The following DIPK1A variants were observed in gnomAD, a reference collection of about 807,000 sequenced individuals.
The protein encoded by DIPK1A is family with sequence similarity 69 member A.
A neutral mutation model predicts 40.8 loss-of-function variants in DIPK1A; 27 were observed. The ratio of observed to expected loss-of-function variants is 0.66; its 90% CI spans 0.49 to 0.91. DIPK1A has a LOEUF of 0.91. Ranked by LOEUF, DIPK1A falls within the 40% of genes least tolerant of loss-of-function variation. DIPK1A has a pLI of 0.00. For synonymous variants in DIPK1A, 166 were observed against 171.3 expected (o/e 0.97, Z 0.24); for missense variants, 412 against 505.7 (o/e 0.81, Z 1.78).
chr1:92,868,101 T>G (rs1421728857), intron 2 of DIPK1A, among the ~76,000 whole-genome samples: 2 of 152,192 alleles, frequency 1.3e-5, no homozygotes, highest in African/African-American at 2.4e-5. Flanking sequence ...AAATCTGTGA[T>G]GCAGGTAGGA....
chr1:92,959,116 T>C (rs1651956521), intron 1 of DIPK1A, among the ~76,000 whole-genome samples: 1 of 151,930 alleles, frequency 6.6e-6, no homozygotes, highest in Non-Finnish European at 1.5e-5. Flanking sequence ...CGAAACTCCG[T>C]GTCTACAAAA....
Position 92,833,221 on chromosome 1 carries a change from A to G in DIPK1A, c.475-187T>C, listed in dbSNP as rs1686981595. The G allele has an allele frequency of 3.2e-5, 21 of 658,338 alleles. No homozygotes were observed. The South Asian group carries it at 3.8e-4, about 12-fold the overall frequency. The allele number at this position is 658,338 out of a possible 1,614,324, so 40.8% of individuals were successfully genotyped here. A position where few individuals can be genotyped will look rare whatever the true frequency, so the allele number is the denominator to read the frequency against. ...TACTAGTCTGTGACATGGAAGGTAG[A>G]GGAAAAAGATTCTTGACCCTAGTTG... On this transcript the variant is annotated intron_variant, in intron 4 of 4. Coordinates refer to the DIPK1A transcript ENST00000615519.
chr1:92,955,494 C>A (rs946763088), intron 1 of DIPK1A, among the ~76,000 whole-genome samples: 1 of 149,180 alleles, frequency 6.7e-6, no homozygotes, highest in South Asian at 2.1e-4. Flanking sequence ...GTCAGGAGAT[C>A]GAGACCATCC....
At chr1:92,922,305 T>C (rs1412338442) in intron 1 of DIPK1A, among the ~76,000 whole-genome samples, 3 of 151,928 alleles carry the variant, frequency 2.0e-5, no homozygotes, top group African/African-American at 7.2e-5. Context: ...ATATTTCTTT[T>C]CAGTTTTTTT....
intron 2 of DIPK1A, among the ~76,000 whole-genome samples, chr1:92,861,517 G>A (rs1196922654): frequency 1.3e-5 from 2 of 151,646 alleles, no homozygotes; most frequent in East Asian, 3.9e-4. Flanking sequence ...AGTAGAGACG[G>A]GTTTTTGTCA....
At chr1:92,859,302 C>T (rs986258080) in intron 2 of DIPK1A, among the ~76,000 whole-genome samples, 1 of 152,116 alleles carries the variant, frequency 6.6e-6, no homozygotes, top group Non-Finnish European at 1.5e-5. Context: ...TCCCGTTCCC[C>T]GTATCAACGA....
At chr1:92,840,643 T>G (rs1464454410), downstream of DIPK1A, 1 of 1,602,858 alleles carries the variant, frequency 6.2e-7, no homozygotes, top group Non-Finnish European at 8.5e-7. Flanking sequence ...AGAAGAGGTA[T>G]GTCGTCTTTT....
intron 1 of DIPK1A, among the ~76,000 whole-genome samples, chr1:92,952,078 A>C (rs1254888775): frequency 2.3e-4 from 35 of 151,028 alleles, no homozygotes; most frequent in African/African-American, 5.8e-4. Flanking sequence ...AAAAAAAAAA[A>C]ACACACACAA....
intron 1 of DIPK1A, among the ~76,000 whole-genome samples, chr1:92,927,243 C>T (rs1571131739): frequency 1.3e-5 from 2 of 152,046 alleles, no homozygotes; most frequent in African/African-American, 4.8e-5. Context: ...AGTACAGTGG[C>T]GATCACAGTC....
At chr1:92,927,354 C>T (rs1650554727) in intron 1 of DIPK1A, among the ~76,000 whole-genome samples, 1 of 134,146 alleles carries the variant, frequency 7.5e-6, no homozygotes, top group Admixed American at 8.3e-5. Context: ...GCCACCATGC[C>T]AATTTTGTTG....
At chr1:92,954,572 G>A (rs748121128) in intron 1 of DIPK1A, among the ~76,000 whole-genome samples, 17 of 151,382 alleles carry the variant, frequency 1.1e-4, no homozygotes, top group Admixed American at 5.3e-4. Flanking sequence ...ACAGGGTTTC[G>A]CCACATTGGC....
intron 1 of DIPK1A, among the ~76,000 whole-genome samples, chr1:92,956,091 G>A (rs1651845193): frequency 6.6e-6 from 1 of 151,502 alleles, no homozygotes; most frequent in Non-Finnish European, 1.5e-5. Flanking sequence ...AAGGAGGGAG[G>A]CTATTCATGT....
intron 2 of DIPK1A, among the ~76,000 whole-genome samples, chr1:92,866,162 C>T (rs1050280415): frequency 6.6e-6 from 1 of 152,190 alleles, no homozygotes; most frequent in African/African-American, 2.4e-5. Context: ...AGTGCAATGG[C>T]GTGATCTCAG....
chr1:92,930,435 C>A (rs1171321749), intron 1 of DIPK1A, among the ~76,000 whole-genome samples: 1 of 152,024 alleles, frequency 6.6e-6, no homozygotes, highest in African/African-American at 2.4e-5. Flanking sequence ...TAAAAAAAAA[C>A]TGAGAAAGGG....
At chr1:92,834,594 T>C (rs1571026299) in intron 4 of DIPK1A, among the ~76,000 whole-genome samples, 3 of 152,202 alleles carry the variant, frequency 2.0e-5, no homozygotes, top group South Asian at 2.1e-4. Context: ...ATTGAAATAT[T>C]TGGGTATTCC....
intron 1 of DIPK1A, among the ~76,000 whole-genome samples, chr1:92,900,732 G>A (rs1486150473): frequency 1.3e-5 from 2 of 152,066 alleles, no homozygotes; most frequent in East Asian, 3.9e-4. Flanking sequence ...TCCCTAGAGT[G>A]TGGCCAGTGT....
rs1652087660 is a variant in DIPK1A, at chr1:92,961,410, G to A, written c.20C>T (p.Pro7Leu). ...ATAGGGTTTCCTTAGCCAGGCCCCC[G>A]GACAGAGACTCCTCGCCATGGTAAT... is the stretch of plus-strand genomic sequence containing the variant. MARSLC[P>L]GAWLRKPYYL... is the part of the protein sequence containing the mutation. Residue 7 changes from proline (P) to leucine (L), a missense_variant, in exon 1 of 5, where the codon CCG (proline) becomes CTG (leucine). Pro to Leu is a moderately conservative substitution (Grantham distance 98, BLOSUM62 -3). Coordinates refer to ENST00000370310, the MANE Select transcript of DIPK1A (RefSeq NM_001006605.5). The A allele has an allele frequency of 6.5e-7, 1 of 1,528,942 alleles. No individual in the cohort carries two copies. Among genetic ancestry groups the A allele is most frequent in the South Asian group, 1.2e-5 (1 of 84,368 alleles). 94.7% of individuals were successfully genotyped at this position (1,528,942 alleles called of 1,614,324 possible).
chr1:92,860,586 T>A (rs1039290259), intron 2 of DIPK1A, among the ~76,000 whole-genome samples: 2 of 147,980 alleles, frequency 1.4e-5, no homozygotes, highest in African/African-American at 2.5e-5. Context: ...GGTCAGGAGT[T>A]CGAGACCAGC....
chr1:92,855,480 C>G (rs1207646467), intron 2 of DIPK1A, among the ~76,000 whole-genome samples: 1 of 152,078 alleles, frequency 6.6e-6, no homozygotes, highest in Non-Finnish European at 1.5e-5. Flanking sequence ...AGGAGGACTG[C>G]TTGAGGCCAG....
Sources: allele counts gnomAD v4.1 joint callset (sites outside exome capture counted in the v4.1 genomes callset), GRCh38; gene constraint gnomAD v4.1.1; transcripts MANE v1.5; gene names NCBI Gene and HGNC (gene_info 2026-07-23, HGNC 2026-07-21).